KAZN: variants seen among roughly 807,000 people sequenced by gnomAD.
KAZN encodes kazrin.
KAZN carries 40 observed loss-of-function variants against 87.4 expected under a neutral mutation model. The ratio of observed to expected loss-of-function variants is 0.46; its 90% CI spans 0.36 to 0.60. The LOEUF is 0.60. Ranked by LOEUF, KAZN falls within the 20% of genes least tolerant of loss-of-function variation. The pLI is 0.00. For missense variants in KAZN, 898 were observed against 1,073.9 expected (o/e 0.84, Z 2.29); for synonymous variants, 466 against 458.3 (o/e 1.02, Z -0.22).
intron 2 of KAZN, among the ~76,000 whole-genome samples, chr1:14,269,475 G>A (rs1437099420): frequency 3.9e-5 from 6 of 152,066 alleles, no homozygotes; most frequent in Non-Finnish European, 8.8e-5. Flanking sequence ...GAAATAAAAG[G>A]CGTCCACCAA....
At chr1:13,960,028 C>G (rs1641692136) in intron 1 of KAZN, among the ~76,000 whole-genome samples, 3 of 151,776 alleles carry the variant, frequency 2.0e-5, no homozygotes, top group Non-Finnish European at 4.4e-5. Context: ...ATAAAAAGTC[C>G]AAAAAACATG....
chr1:14,799,727 T>G (rs924241682), intron 1 of KAZN, among the ~76,000 whole-genome samples: 1 of 152,166 alleles, frequency 6.6e-6, no homozygotes, highest in African/African-American at 2.4e-5. Flanking sequence ...CGGATTTTAC[T>G]TTTACCCAGA....
chr1:14,198,582 A>G (rs1206658906), intron 2 of KAZN, among the ~76,000 whole-genome samples: 1 of 152,244 alleles, frequency 6.6e-6, no homozygotes, highest in Non-Finnish European at 1.5e-5. Context: ...CCTGGGTGAC[A>G]GAGCAAGACT....
Position 14,131,588 on chromosome 1 carries a change from G to A in KAZN, c.92-48847G>A, listed in dbSNP as rs568309220. On this transcript the variant is annotated intron_variant, in intron 1 of 16. Transcript: ENST00000636203. Reference sequence around the variant, plus strand: ...ACTTTTCAAGGCAACCTTATTGACTGTGAGGCGGCGCTAATGGTTGGAAAC... The same window carrying A: ...ACTTTTCAAGGCAACCTTATTGACTATGAGGCGGCGCTAATGGTTGGAAAC... Among the ~76,000 whole-genome samples the A allele has an allele frequency of 4.6e-4, 70 of 152,122 alleles. No homozygotes were observed. In the Middle Eastern group the frequency reaches 0.01, roughly 22 times the overall value.
rs536643551 is a variant in KAZN, at chr1:14,747,142, C to T, written c.226+147919C>T. 3.1e-4 allele frequency among the ~76,000 whole-genome samples: 47 copies of T among 152,240 alleles called. 1 individual carries two copies. Among genetic ancestry groups the T allele is most frequent in the African/African-American group, 7.9e-4 (33 of 41,538 alleles). ...ATATTGTCCTCAAGATTCATCAGTGCGGTAGCATGTTCAGAGTTACCTTTC... is the reference window on the plus strand; with the variant it reads ...ATATTGTCCTCAAGATTCATCAGTGTGGTAGCATGTTCAGAGTTACCTTTC... On this transcript the variant is annotated intron_variant, in intron 1 of 14. Coordinates refer to ENST00000376030, the MANE Select transcript of KAZN (RefSeq NM_201628.3).
chr1:14,816,669 A>G (rs546746193), intron 1 of KAZN, among the ~76,000 whole-genome samples: 1 of 152,376 alleles, frequency 6.6e-6, no homozygotes, highest in South Asian at 2.1e-4. Context: ...ATATATTTAC[A>G]TGTAGAGATA....
At chr1:14,415,496 A>G (rs1664673957) in intron 2 of KAZN, among the ~76,000 whole-genome samples, 1 of 152,246 alleles carries the variant, frequency 6.6e-6, no homozygotes, top group African/African-American at 2.4e-5. Context: ...ACAGTGTCTC[A>G]TGACTGGGCT....
intron 1 of KAZN, among the ~76,000 whole-genome samples, chr1:14,740,274 A>G (rs1331105918): frequency 6.6e-6 from 1 of 152,186 alleles, no homozygotes; most frequent in African/African-American, 2.4e-5. Flanking sequence ...CTGCAATCCC[A>G]GATGCACAGG....
chr1:14,534,079 T>C (rs944347455), intron 2 of KAZN, among the ~76,000 whole-genome samples: 17 of 152,092 alleles, frequency 1.1e-4, no homozygotes, highest in Admixed American at 8.5e-4. Flanking sequence ...AATGAAACCC[T>C]TTCTGAAAAG....
At chr1:14,044,843 T>C (rs1641993974) in intron 1 of KAZN, among the ~76,000 whole-genome samples, 1 of 152,152 alleles carries the variant, frequency 6.6e-6, no homozygotes, top group Non-Finnish European at 1.5e-5. Context: ...TTCTTGACAA[T>C]AAGATGTGAC....
At chr1:15,069,017 C>T (rs1454916949) in intron 8 of KAZN, among the ~76,000 whole-genome samples, 3 of 144,414 alleles carry the variant, frequency 2.1e-5, no homozygotes, top group Non-Finnish European at 3.0e-5. Flanking sequence ...TCAGCCTGAC[C>T]ACACCTTAGG....
intron 2 of KAZN, among the ~76,000 whole-genome samples, chr1:14,383,282 G>T (rs1209305048): frequency 6.7e-6 from 1 of 149,244 alleles, no homozygotes; most frequent in East Asian, 2.0e-4. Context: ...TCACTCTGAT[G>T]GTAGTTTCTT....
intron 8 of KAZN, among the ~76,000 whole-genome samples, chr1:15,072,787 C>T (rs1306787375): frequency 6.6e-6 from 1 of 152,146 alleles, no homozygotes; most frequent in Non-Finnish European, 1.5e-5. Flanking sequence ...AGTCCATGTT[C>T]TTGGTAACTT....
intron 2 of KAZN, among the ~76,000 whole-genome samples, chr1:14,549,047 T>C (rs899501584): frequency 1.3e-5 from 2 of 152,260 alleles, no homozygotes; most frequent in Non-Finnish European, 2.9e-5. Flanking sequence ...CCTAAACAGT[T>C]GCCTGTCTAT....
chr1:14,682,356 T>C (rs1640720863), intron 1 of KAZN, among the ~76,000 whole-genome samples: 1 of 151,396 alleles, frequency 6.6e-6, no homozygotes, highest in Non-Finnish European at 1.5e-5. Context: ...GGCATAATCA[T>C]GACACATTGC....
At chr1:14,681,631 A>ATATGTG (rs1640609002) in intron 1 of KAZN, among the ~76,000 whole-genome samples, 1 of 11,296 alleles carries the variant, frequency 8.9e-5, no homozygotes, top group African/African-American at 3.2e-4. Flanking sequence ...ATATATATAT[A>ATATGTG]TATATATATA....
Position 14,003,372 on chromosome 1 carries a change from T to C in KAZN, c.91+109616T>C, listed in dbSNP as rs927607133. On this transcript the variant is annotated intron_variant, in intron 1 of 16. Transcript: ENST00000636203. ...AGAAAATTACAAGTTGAACCTAAAA[T>C]GTATGTGGAAATGCAAGATGCTAGG... Among the ~76,000 whole-genome samples the C allele has an allele frequency of 2.1e-5, 3 of 145,056 alleles. No individual in the cohort carries two copies. In the South Asian group the frequency reaches 6.7e-4, roughly 32 times the overall value.
At chr1:14,135,875 T>G (rs1016700677) in intron 1 of KAZN, among the ~76,000 whole-genome samples, 7 of 152,228 alleles carry the variant, frequency 4.6e-5, no homozygotes, top group Admixed American at 3.9e-4. Context: ...AACTATCCTC[T>G]ATAATTTTGC....
rs537185949 is a variant in KAZN, at chr1:14,101,100, G to A, written c.92-79335G>A. On this transcript the variant is annotated intron_variant, in intron 1 of 16. Coordinates refer to the KAZN transcript ENST00000636203. ...ATTACCCGGTCTCGGGTATTTATCA[G>A]CAGCGTGAAAATGGACTAGTACACA... 1.4e-3 allele frequency among the ~76,000 whole-genome samples: 212 copies of A among 152,246 alleles called. 1 individual carries two copies. The Middle Eastern group carries it at 0.02, about 15-fold the overall frequency.
Sources: allele counts gnomAD v4.1 joint callset (sites outside exome capture counted in the v4.1 genomes callset), GRCh38; gene constraint gnomAD v4.1.1; transcripts MANE v1.5; gene names NCBI Gene and HGNC (gene_info 2026-07-23, HGNC 2026-07-21).